The following NME8 variants were observed in gnomAD, a reference collection of about 807,000 sequenced individuals.
NME8 encodes the protein NME/NM23 family member 8.
A neutral mutation model predicts 82.3 loss-of-function variants in NME8; 72 were observed. That is an observed-to-expected ratio of 0.87 (90% confidence interval 0.72 to 1.06). NME8 has a LOEUF of 1.06. Among genes scored for constraint, NME8 ranks in the 50% least tolerant of loss-of-function variants. The probability of loss-of-function intolerance (pLI) is 0.00; values close to 1 mark genes in which losing one functional copy is unlikely to be tolerated. For missense variants in NME8, 712 were observed against 685.4 expected (o/e 1.04, Z -0.43); for synonymous variants, 267 against 228.5 (o/e 1.17, Z -1.52).
intron 11 of NME8, among the ~76,000 whole-genome samples, chr7:37,871,973 A>C (rs573184233): frequency 6.6e-6 from 1 of 152,170 alleles, no homozygotes; most frequent in Admixed American, 6.5e-5. Flanking sequence ...AGCTTAACTG[A>C]TAAGCAGCTG....
intron 12 of NME8, among the ~76,000 whole-genome samples, chr7:37,880,770 A>G (rs757345576): frequency 2.0e-5 from 3 of 151,378 alleles, no homozygotes; most frequent in Non-Finnish European, 4.4e-5. Flanking sequence ...ATCTATGAAT[A>G]TGGAATATCT....
intron 5 of NME8, among the ~76,000 whole-genome samples, chr7:37,855,124 T>C (rs1784492998): frequency 1.3e-5 from 2 of 152,152 alleles, no homozygotes; most frequent in South Asian, 4.1e-4. Flanking sequence ...GATGTTGTGT[T>C]TGGAGACAAG....
At chr7:37,884,556 T>G in intron 13 of NME8, 109 bp downstream of exon 13, 1 of 921,688 alleles carries the variant, frequency 1.1e-6, no homozygotes, top group Admixed American at 2.0e-5. Flanking sequence ...TCTGTAAACA[T>G]GTTCTGAGTT....
intron 5 of NME8, among the ~76,000 whole-genome samples, chr7:37,856,752 T>A (rs562243504): frequency 6.6e-6 from 1 of 152,180 alleles, no homozygotes; most frequent in Non-Finnish European, 1.5e-5. Flanking sequence ...CCTCTTTTAA[T>A]GTATGGCCCT....
chr7:37,877,985 A>G (rs1182355036), intron 12 of NME8, among the ~76,000 whole-genome samples: 1 of 152,054 alleles, frequency 6.6e-6, no homozygotes, highest in African/African-American at 2.4e-5. Context: ...TTCTTTCCTC[A>G]TTGAGCTAGC....
At chr7:37,867,170 A>G (rs1784696257) in intron 10 of NME8, among the ~76,000 whole-genome samples, 1 of 152,138 alleles carries the variant, frequency 6.6e-6, no homozygotes, top group Non-Finnish European at 1.5e-5. Context: ...CCTACCAGTG[A>G]AGATAAGCTA....
chr7:37,888,159 A>T, intron 14 of NME8, 118 bp from the exon 15 acceptor site: 2 of 1,000,934 alleles, frequency 2.0e-6, no homozygotes, highest in Non-Finnish European at 3.1e-6. Context: ...CCTTTTGCAC[A>T]GTGTCAAGAT....
chr7:37,875,768 G>GA (rs1420701298), intron 11 of NME8, among the ~76,000 whole-genome samples: 4 of 151,818 alleles, frequency 2.6e-5, no homozygotes, highest in Non-Finnish European at 5.9e-5. Context: ...CCCAAAAAAA[G>GA]AAAAAATTGT....
At chr7:37,883,994 A>G (rs1451950326) in intron 12 of NME8, among the ~76,000 whole-genome samples, 1 of 144,860 alleles carries the variant, frequency 6.9e-6, no homozygotes, top group East Asian at 2.0e-4. Context: ...CACCCACACA[A>G]TCACTCACAT....
At chr7:37,873,314 T>G (rs1784797359) in intron 11 of NME8, among the ~76,000 whole-genome samples, 1 of 142,288 alleles carries the variant, frequency 7.0e-6, no homozygotes, top group Non-Finnish European at 1.5e-5. Flanking sequence ...GAGCCAAAAT[T>G]GCGCCACTGC....
At chr7:37,877,367 G>T (rs1192691936) in intron 12 of NME8, among the ~76,000 whole-genome samples, 1 of 152,052 alleles carries the variant, frequency 6.6e-6, no homozygotes, top group Non-Finnish European at 1.5e-5. Context: ...ATTTCTTCAC[G>T]TGTAAAATTC....
Position 37,888,377 on chromosome 7 carries a change from C to G in NME8, c.1348C>G (p.Leu450Val). 1 of 1,613,382 alleles carries G rather than the reference C, an allele frequency of 6.2e-7. No homozygotes were observed. Among genetic ancestry groups the G allele is most frequent in the African/African-American group, 1.3e-5 (1 of 75,000 alleles). ...AAGGGAAATACAGCATTTCTTTCCTCTTCAAAGCACTTTAGGCTTGATTAA... is the reference window on the plus strand; with the variant it reads ...AAGGGAAATACAGCATTTCTTTCCTGTTCAAAGCACTTTAGGCTTGATTAA... ...AEREIQHFFPLQSTLGLIKPH... is the reference protein window; with the variant it reads ...AEREIQHFFPVQSTLGLIKPH... The change falls in exon 15 of 18, where the codon CTT becomes GTT. Residue 450 changes from leucine (L) to valine (V), a missense_variant. By Grantham distance (32) the Leu-to-Val change is conservative. Transcript: ENST00000199447.
intron 12 of NME8, 135 bp downstream of exon 12, chr7:37,877,142 A>G: frequency 1.4e-6 from 1 of 706,742 alleles, no homozygotes; most frequent in African/African-American, 1.8e-5. Context: ...TTAATGTATT[A>G]ACTTACTAAT....
At chr7:37,889,172 T>C (rs1426858767) in intron 15 of NME8, among the ~76,000 whole-genome samples, 1 of 151,996 alleles carries the variant, frequency 6.6e-6, no homozygotes, top group African/African-American at 2.4e-5. Flanking sequence ...AGTTAAATTA[T>C]ATTTTCCTAG....
At chr7:37,852,562 C>T (rs1157245244) in intron 5 of NME8, among the ~76,000 whole-genome samples, 2 of 152,130 alleles carry the variant, frequency 1.3e-5, no homozygotes, top group African/African-American at 4.8e-5. Flanking sequence ...CATAGTTTTC[C>T]CTTTTCCAGA....
intron 12 of NME8, among the ~76,000 whole-genome samples, chr7:37,878,184 GT>G (rs961441062): frequency 2.6e-5 from 4 of 152,032 alleles, no homozygotes; most frequent in African/African-American, 9.7e-5. Context: ...AGGATGTTGT[GT>G]TTTTCTCAAT....
intron 11 of NME8, among the ~76,000 whole-genome samples, chr7:37,868,236 G>A (rs946115917): frequency 1.3e-5 from 2 of 152,130 alleles, no homozygotes; most frequent in African/African-American, 4.8e-5. Flanking sequence ...TCGCCATGGT[G>A]GATTTTTGTT....
intron 10 of NME8, 127 bp downstream of exon 10, chr7:37,865,744 T>C: frequency 1.5e-6 from 1 of 686,328 alleles, no homozygotes; most frequent in South Asian, 1.6e-5. Flanking sequence ...CTGGTGTCCC[T>C]GTTGGTGTCC....
At chr7:37,853,572 G>A (rs1257666964) in intron 5 of NME8, among the ~76,000 whole-genome samples, 4 of 152,152 alleles carry the variant, frequency 2.6e-5, no homozygotes, top group African/African-American at 9.7e-5. Flanking sequence ...CTGGCAGTTG[G>A]CATTAGGAAA....
Sources: gnomAD v4.1 joint callset for allele counts (sites outside exome capture counted in the v4.1 genomes callset) on GRCh38, gnomAD v4.1.1 for gene constraint, MANE v1.5 for transcripts, NCBI Gene and HGNC (gene_info 2026-07-23, HGNC 2026-07-21) for gene names.